The following NEO1 variants were observed in gnomAD, a reference collection of about 807,000 sequenced individuals.
The protein encoded by NEO1 is neogenin.
In NEO1, 63 loss-of-function variants were observed where a neutral mutation model predicts 159.7. The ratio of observed to expected loss-of-function variants is 0.39; its 90% CI spans 0.32 to 0.49. NEO1 has a LOEUF of 0.49. NEO1 is among the 20% of genes least tolerant of loss of function. The pLI is 0.85. For synonymous variants in NEO1, 633 were observed against 662.0 expected, an observed-to-expected ratio of 0.96 and a Z score of 0.67; for missense variants, 1,615 against 1,831.0, an observed-to-expected ratio of 0.88 and a Z score of 2.15.
At chr15:73,236,293 C>G (rs1345924169) in intron 7 of NEO1, 54 bp from the exon 8 acceptor site, 3 of 1,612,580 alleles carry the variant, frequency 1.9e-6, no homozygotes, top group African/African-American at 1.3e-5. Flanking sequence ...CAAGATGTTG[C>G]CATCCCAACA....
chr15:73,286,286 C>T (rs1237396879), intron 23 of NEO1, among the ~76,000 whole-genome samples: 1 of 152,236 alleles, frequency 6.6e-6, no homozygotes, highest in Non-Finnish European at 1.5e-5. Flanking sequence ...AGCCAAAGAA[C>T]ATTTTTCAGT....
At chr15:73,203,523 C>T (rs1039739699) in intron 7 of NEO1, among the ~76,000 whole-genome samples, 1 of 152,048 alleles carries the variant, frequency 6.6e-6, no homozygotes, top group African/African-American at 2.4e-5. Flanking sequence ...TCTTTCTGTT[C>T]ATTGCATTGG....
At chr15:73,160,113 A>G (rs936581042) in intron 5 of NEO1, among the ~76,000 whole-genome samples, 1 of 151,918 alleles carries the variant, frequency 6.6e-6, no homozygotes, top group Admixed American at 6.6e-5. Context: ...CCCCCTGTTC[A>G]TTGTCTTTTT....
chr15:73,274,570 T>G (rs992240209), intron 20 of NEO1, 122 bp from the exon 21 acceptor site: 13 of 908,016 alleles, frequency 1.4e-5, no homozygotes, highest in Non-Finnish European at 1.9e-5. Context: ...AAGTCAAGTT[T>G]CAGTTTGTTT....
At chr15:73,067,380 T>C (rs983889524) in intron 1 of NEO1, among the ~76,000 whole-genome samples, 2 of 152,120 alleles carry the variant, frequency 1.3e-5, no homozygotes, top group African/African-American at 4.8e-5. Flanking sequence ...AATGTCTGTT[T>C]GTGGTGACCA....
chr15:73,105,761 A>T (rs1429387106), intron 1 of NEO1, among the ~76,000 whole-genome samples: 1 of 152,064 alleles, frequency 6.6e-6, no homozygotes, highest in African/African-American at 2.4e-5. Context: ...TCATGCTTAG[A>T]TTTAGGTTAG....
intron 5 of NEO1, among the ~76,000 whole-genome samples, chr15:73,172,254 A>G (rs781562649): frequency 1.3e-5 from 2 of 152,198 alleles, no homozygotes; most frequent in Non-Finnish European, 2.9e-5. Flanking sequence ...CAAAATCCAG[A>G]TCTGTCACTG....
intron 27 of NEO1, among the ~76,000 whole-genome samples, chr15:73,300,858 T>A (rs2151189498): frequency 6.6e-6 from 1 of 152,340 alleles, no homozygotes; most frequent in South Asian, 2.1e-4. Context: ...TTAAGGATGG[T>A]TCTTAGTGAA....
intron 7 of NEO1, among the ~76,000 whole-genome samples, chr15:73,226,590 G>A (rs1000113355): frequency 6.6e-6 from 1 of 151,992 alleles, no homozygotes; most frequent in African/African-American, 2.4e-5. Context: ...TTTATTTTAC[G>A]GTATATGTGT....
chr15:73,198,332 T>C (rs1428966260), intron 7 of NEO1, among the ~76,000 whole-genome samples: 1 of 152,192 alleles, frequency 6.6e-6, no homozygotes, highest in Non-Finnish European at 1.5e-5. Flanking sequence ...TTCATCGTTC[T>C]TTATTTCACT....
chr15:73,224,365 G>A (rs58534827), intron 7 of NEO1, among the ~76,000 whole-genome samples: 1,948 of 152,240 alleles, frequency 0.013, 30 homozygotes, highest in African/African-American at 0.044. Context: ...TCTCTAGTAA[G>A]GCCAAAGAAG....
chr15:73,287,847 T>C (rs2042006927), intron 23 of NEO1, among the ~76,000 whole-genome samples: 1 of 151,314 alleles, frequency 6.6e-6, no homozygotes, highest in African/African-American at 2.4e-5. Flanking sequence ...GCCATTACAC[T>C]GTAGCTTGGG....
At chr15:73,255,658 A>C (rs1596492071) in intron 13 of NEO1, 1 of 152,204 alleles carries the variant, frequency 6.6e-6, no homozygotes, top group Admixed American at 6.5e-5. Flanking sequence ...AGCAGACCCC[A>C]TCCTGCCGAC....
At chr15:73,176,311 C>A (rs2035277739) in intron 5 of NEO1, 92 bp from the exon 6 acceptor site, 2 of 846,634 alleles carry the variant, frequency 2.4e-6, no homozygotes, top group Non-Finnish European at 3.3e-6. Context: ...AGTAAAAATC[C>A]TGTGGATTTT....
At chr15:73,121,303 A>G (rs1469431458) in intron 2 of NEO1, among the ~76,000 whole-genome samples, 2 of 152,076 alleles carry the variant, frequency 1.3e-5, no homozygotes, top group Non-Finnish European at 2.9e-5. Context: ...TTTAGATATA[A>G]CTTGGTTTTT....
At position 73,118,643 on chromosome 15, in the gene NEO1, A is replaced by AT. The variant is rs541818121; in HGVS notation, c.448+1793dup. Among the ~76,000 whole-genome samples, 5 of 152,042 alleles carry AT rather than the reference A, an allele frequency of 3.3e-5. 1 individual carries two copies. The highest frequency in any genetic ancestry group is 3.3e-4 in the Admixed American group (5 of 15,272). ...TTCCTCTTTGATACCTTCAGGAAGC[A>AT]TTTTTTTGACCCAGTATCTAAGCAA... On this transcript the variant is annotated intron_variant, in intron 2 of 28. Coordinates refer to ENST00000261908, the MANE Select transcript of NEO1 (RefSeq NM_002499.4).
chr15:73,144,189 C>A (rs1422173500), intron 5 of NEO1, among the ~76,000 whole-genome samples: 1 of 152,138 alleles, frequency 6.6e-6, no homozygotes, highest in Non-Finnish European at 1.5e-5. Context: ...GGAAGATGAA[C>A]CATTACCTCT....
chr15:73,237,407 C>T (rs959566946), intron 8 of NEO1, among the ~76,000 whole-genome samples: 5 of 152,208 alleles, frequency 3.3e-5, no homozygotes, highest in Admixed American at 1.3e-4. Context: ...TTGGAAGGAA[C>T]CATGCCACAT....
intron 3 of NEO1, among the ~76,000 whole-genome samples, chr15:73,125,217 A>G (rs1020929622): frequency 1.3e-5 from 2 of 152,236 alleles, no homozygotes; most frequent in African/African-American, 4.8e-5. Flanking sequence ...CTAAGTCCTT[A>G]TCTCCTATAG....
Sources: allele counts gnomAD v4.1 joint callset (sites outside exome capture counted in the v4.1 genomes callset), GRCh38; gene constraint gnomAD v4.1.1; transcripts MANE v1.5; gene names NCBI Gene and HGNC (gene_info 2026-07-23, HGNC 2026-07-21).